TMCO4: variants seen among roughly 807,000 people sequenced by gnomAD.
The protein encoded by TMCO4 is transmembrane and coiled-coil domain-containing protein 4.
A neutral mutation model predicts 64.7 loss-of-function variants in TMCO4; 58 were observed. That is an observed-to-expected ratio of 0.90 (90% CI 0.73 to 1.12). The LOEUF is 1.12. Ranked by LOEUF, TMCO4 falls within the 50% of genes most tolerant of loss-of-function variation. The pLI, the probability that TMCO4 is intolerant of heterozygous loss-of-function variation, is 0.00. For synonymous variants in TMCO4, 325 were observed against 346.1 expected (o/e 0.94, Z 0.68); for missense variants, 780 against 825.9 (o/e 0.94, Z 0.68).
chr1:19,781,454 C>A (rs1217950377), intron 3 of TMCO4, among the ~76,000 whole-genome samples: 1 of 148,000 alleles, frequency 6.8e-6, no homozygotes, highest in South Asian at 2.1e-4. Context: ...AGAATGAAAC[C>A]CTGTCTCTTA....
intron 6 of TMCO4, among the ~76,000 whole-genome samples, chr1:19,764,789 A>AG (rs2042657614): frequency 7.9e-6 from 1 of 126,920 alleles, no homozygotes; most frequent in African/African-American, 3.0e-5. Context: ...CGGGAGGTGG[A>AG]GGTTGCAGTG....
chr1:19,736,228 C>T (rs78836492), intron 13 of TMCO4, among the ~76,000 whole-genome samples: 4,017 of 152,222 alleles, frequency 0.026, 149 homozygotes, highest in African/African-American at 0.086. Context: ...GGCAAGAGAA[C>T]GCGTGCAGGG....
chr1:19,734,303 G>A lies in TMCO4; in HGVS notation c.1264+3069C>T, dbSNP rs1003182853. Among the ~76,000 whole-genome samples the A allele has an allele frequency of 5.3e-5, 8 of 152,192 alleles. No individual in the cohort carries two copies. The highest frequency in any genetic ancestry group is 1.9e-4 in the African/African-American group (8 of 41,444). On this transcript the variant is annotated intron_variant, in intron 13 of 15. Transcript: ENST00000294543. The surrounding 1 kb of genome is among the most constrained non-coding windows in gnomAD (Gnocchi z 4.4). ...ATCCACACTGATCTAGAGAACAGCA[G>A]GGGCATTAGAGGCCCTTGGGGTCTG...
At chr1:19,735,705 C>G (rs1451527374) in intron 13 of TMCO4, among the ~76,000 whole-genome samples, 2 of 152,180 alleles carry the variant, frequency 1.3e-5, no homozygotes, top group African/African-American at 4.8e-5. Flanking sequence ...GAATTAAAGT[C>G]TTGCCTGTAC....
At position 19,721,952 on chromosome 1, in the gene TMCO4, A is replaced by G. The variant is rs1173600597; in HGVS notation, c.1264+15420T>C. Among the ~76,000 whole-genome samples, 3 of 152,190 alleles carry G rather than the reference A, an allele frequency of 2.0e-5. No individual in the cohort carries two copies. In the East Asian group the frequency reaches 5.8e-4, roughly 29 times the overall value. ...CCCTGGACATGGCTCATCTCATTGCACATTCAAACACCAATAGCCTTAACA... is the reference window on the plus strand; with the variant it reads ...CCCTGGACATGGCTCATCTCATTGCGCATTCAAACACCAATAGCCTTAACA... On this transcript the variant is annotated intron_variant, in intron 13 of 15. Transcript: ENST00000294543.
chr1:19,725,586 C>T (rs2095405223), intron 13 of TMCO4, among the ~76,000 whole-genome samples: 1 of 152,146 alleles, frequency 6.6e-6, no homozygotes, highest in South Asian at 2.1e-4. Flanking sequence ...ACCTCCCTGC[C>T]CTTGGCACGC....
intron 15 of TMCO4, among the ~76,000 whole-genome samples, chr1:19,692,608 G>C (rs904910252): frequency 9.4e-4 from 143 of 151,620 alleles, no homozygotes; most frequent in Non-Finnish European, 6.2e-4. Context: ...TTAGATGGGC[G>C]TGGTGGCAGG....
intron 13 of TMCO4, among the ~76,000 whole-genome samples, chr1:19,721,946 C>T (rs2095386311): frequency 6.6e-6 from 1 of 152,232 alleles, no homozygotes. Context: ...TGGCTCATCT[C>T]ATTGCACATT....
chr1:19,720,772 A>G (rs924291548), intron 13 of TMCO4, among the ~76,000 whole-genome samples: 8 of 152,188 alleles, frequency 5.3e-5, no homozygotes, highest in Non-Finnish European at 8.8e-5. Flanking sequence ...TGGCAAAGAC[A>G]GGGTCCCCAA....
chr1:19,738,453 C>T (rs1412848211), intron 12 of TMCO4: 1 of 152,250 alleles, frequency 6.6e-6, no homozygotes, highest in East Asian at 1.9e-4. Flanking sequence ...CTAAGGCATG[C>T]ATTTTTGCCT....
chr1:19,685,317 C>T (rs1251347254), intron 15 of TMCO4, among the ~76,000 whole-genome samples: 12 of 131,588 alleles, frequency 9.1e-5, no homozygotes. Context: ...CAGAGCAAGA[C>T]CCTGTCTCCA....
intron 3 of TMCO4, among the ~76,000 whole-genome samples, chr1:19,785,096 A>G (rs915582309): frequency 6.6e-6 from 1 of 152,028 alleles, no homozygotes; most frequent in Non-Finnish European, 1.5e-5. Context: ...CATTCCCTCC[A>G]GGCCCTTGCA....
At chr1:19,737,553 C>T (rs964705072) in intron 12 of TMCO4, 97 bp from the exon 13 acceptor site, 6 of 1,056,534 alleles carry the variant, frequency 5.7e-6, no homozygotes, top group Middle Eastern at 2.1e-4. Context: ...TTCCTTACCA[C>T]CTGATTCTCA....
intron 14 of TMCO4, among the ~76,000 whole-genome samples, chr1:19,699,848 G>A (rs925057097): frequency 1.3e-5 from 2 of 152,168 alleles, no homozygotes; most frequent in East Asian, 1.9e-4. Context: ...ATGTGCACGA[G>A]CATGTACATA....
At chr1:19,710,764 A>C (rs1570713436) in intron 13 of TMCO4, among the ~76,000 whole-genome samples, 1 of 152,374 alleles carries the variant, frequency 6.6e-6, no homozygotes, top group Non-Finnish European at 1.5e-5. Context: ...TGAAAGCCAG[A>C]ACACACACAC....
rs2101005495 is a variant in TMCO4 at position 19,767,693 on chromosome 1, C to A, written c.382+2849G>T. ...AGCAATGAGAGAAAGGAAGGGCTGA[C>A]CCAGGAGGCTGGAGAACTGCTTCTG... On this transcript the variant is annotated intron_variant, in intron 6 of 15. Coordinates refer to ENST00000294543, the MANE Select transcript of TMCO4 (RefSeq NM_181719.7). Among the ~76,000 whole-genome samples the A allele has an allele frequency of 1.3e-5, 2 of 152,260 alleles. 1 individual carries two copies. Among genetic ancestry groups the A allele is most frequent in the South Asian group, 4.1e-4 (2 of 4,820 alleles).
In TMCO4 at chr1:19,729,790, A is replaced by G. The variant is rs144886637; in HGVS notation, c.1264+7582T>C. On this transcript the variant is annotated intron_variant, in intron 13 of 15. Coordinates refer to ENST00000294543, the MANE Select transcript of TMCO4 (RefSeq NM_181719.7). ...AAAATAAATAAATAAACAAATAAAT[A>G]AATAAAAAATAAGAGTATGATTTTA... Among the ~76,000 whole-genome samples the G allele has an allele frequency of 8.0e-3, 1,212 of 152,258 alleles. 10 individuals are homozygous for G. The highest frequency in any genetic ancestry group is 0.013 in the Non-Finnish European group (868 of 68,030).
rs145824465 is a variant in TMCO4, at chr1:19,770,262, C to G, written c.382+280G>C. On this transcript the variant is annotated intron_variant, in intron 6 of 15. Transcript: ENST00000294543. The stretch of plus-strand genomic sequence containing the variant: ...GGGCGACAGTGGCTTAGACCAGGGG[C>G]CTGGGTGGAGAGGGGAAGGAACCAG... Among the ~76,000 whole-genome samples the G allele has an allele frequency of 1.6e-4, 24 of 152,216 alleles. 1 individual carries two copies. The East Asian group carries it at 4.6e-3, about 29-fold the overall frequency.
At chr1:19,788,326 G>A (rs951828030) in intron 2 of TMCO4, among the ~76,000 whole-genome samples, 12 of 152,124 alleles carry the variant, frequency 7.9e-5, no homozygotes, top group African/African-American at 2.9e-4. Flanking sequence ...AGACTTTTCT[G>A]TATTTCCCCC....
Sources: gnomAD v4.1 joint callset for allele counts (sites outside exome capture counted in the v4.1 genomes callset) on GRCh38, gnomAD v4.1.1 for gene constraint, Gnocchi (gnomAD v3.1) non-coding constraint, MANE v1.5 for transcripts, NCBI Gene and HGNC (gene_info 2026-07-23, HGNC 2026-07-21) for gene names.